NHS: variants seen among roughly 807,000 people sequenced by gnomAD.
The protein encoded by NHS is NHS actin remodeling regulator.
NHS carries 5 observed loss-of-function variants against 72.5 expected under a neutral mutation model. That is an observed-to-expected ratio of 0.07 (90% CI 0.04 to 0.14). The LOEUF (loss-of-function observed/expected upper bound fraction) is 0.14, where lower values mean the gene tolerates loss of function less well. Ranked by LOEUF, NHS falls within the 10% of genes least tolerant of loss-of-function variation. The pLI is 1.00. For missense variants in NHS, 1,072 were observed against 1,355.7 expected, an observed-to-expected ratio of 0.79 and a Z score of 3.29; for synonymous variants, 464 against 547.7, an observed-to-expected ratio of 0.85 and a Z score of 2.13.
At chrX:17,543,600 A>C (rs1174953779) in intron 1 of NHS, among the ~76,000 whole-genome samples, 2 of 112,025 alleles carry the variant, frequency 1.8e-5, no homozygotes, top group African/African-American at 3.3e-5. Context: ...CAGGGAGGAA[A>C]ATAAGGGTGC....
intron 3 of NHS, among the ~76,000 whole-genome samples, chrX:17,697,523 T>C (rs910847452): frequency 8.9e-6 from 1 of 111,978 alleles, no homozygotes; most frequent in African/African-American, 3.2e-5. Flanking sequence ...ATTTTCAACA[T>C]ACAGGAACTT....
At chrX:17,425,558 A>G (rs910279226) in intron 1 of NHS, among the ~76,000 whole-genome samples, 15 of 96,064 alleles carry the variant, frequency 1.6e-4, no homozygotes, top group Admixed American at 3.6e-4. Context: ...AAAAAAAAAA[A>G]AAAAAAAAAA....
chrX:17,538,448 C>A (rs779030993), intron 1 of NHS, among the ~76,000 whole-genome samples: 4 of 111,671 alleles, frequency 3.6e-5, no homozygotes, highest in Non-Finnish European at 7.5e-5. Flanking sequence ...GCAATTGGGG[C>A]TTCGTCCTGT....
chrX:17,540,285 G>A (rs1385094391), intron 1 of NHS, among the ~76,000 whole-genome samples: 3 of 111,808 alleles, frequency 2.7e-5, no homozygotes, highest in Non-Finnish European at 5.6e-5. Context: ...TCTCAGCCAG[G>A]TAGACATAGC....
At chrX:17,537,368 C>A (rs763710911) in intron 1 of NHS, among the ~76,000 whole-genome samples, 1 of 112,507 alleles carries the variant, frequency 8.9e-6, no homozygotes, top group Admixed American at 9.3e-5. Flanking sequence ...TAGAAGAAGA[C>A]AGAATCTCTT....
chrX:17,475,382 G>A (rs182903687), intron 1 of NHS, among the ~76,000 whole-genome samples: 6 of 112,386 alleles, frequency 5.3e-5, no homozygotes, highest in Admixed American at 9.4e-5. Context: ...AGCAGGCCTC[G>A]GCCTCCAGTT....
At position 17,728,682 on chromosome X, in the gene NHS, C is replaced by T; in HGVS notation, c.4256C>T (p.Pro1419Leu). 8.3e-7 allele frequency: 1 copy of T among 1,209,767 alleles called. No individual in the cohort carries two copies. Among genetic ancestry groups the T allele is most frequent in the Non-Finnish European group, 1.1e-6 (1 of 894,232 alleles). Residue 1419 changes from proline (P) to leucine (L), a missense_variant, in exon 8 of 9, where the codon CCA becomes CTA. Coordinates refer to ENST00000676302, the MANE Select transcript of NHS (RefSeq NM_001291867.2). ...CCGAGTGATGACTCCATCATTTCAC[C>T]ACTTAGTGAAGACTCCCAAGCTGAA... ...SSPSDDSIIS[P>L]LSEDSQAEAE...
At chrX:17,606,701 C>G (rs890066843) in intron 1 of NHS, among the ~76,000 whole-genome samples, 1 of 111,994 alleles carries the variant, frequency 8.9e-6, no homozygotes, top group Non-Finnish European at 1.9e-5. Context: ...CTGCCAGAAG[C>G]CTCCTTAACA....
chrX:17,485,070 C>T (rs2064962058), intron 1 of NHS, among the ~76,000 whole-genome samples: 1 of 111,565 alleles, frequency 9.0e-6, no homozygotes. Context: ...CCGTTGTCCT[C>T]ATAAAAAGAA....
At chrX:17,455,930 C>G (rs1468871921) in intron 1 of NHS, among the ~76,000 whole-genome samples, 1 of 111,179 alleles carries the variant, frequency 9.0e-6, no homozygotes, top group African/African-American at 3.3e-5. Context: ...TAATTTGTAG[C>G]TAAGGCAGGC....
intron 1 of NHS, among the ~76,000 whole-genome samples, chrX:17,615,241 TATATATACACATATATACAC>T (rs1157873744): frequency 2.2e-5 from 2 of 91,515 alleles, no homozygotes; most frequent in African/African-American, 1.0e-4. Context: ...TATATACGTA[TATATATACACATATATACAC>T]ATATATATAT....
intron 1 of NHS, among the ~76,000 whole-genome samples, chrX:17,582,580 G>C (rs1438989532): frequency 9.0e-6 from 1 of 111,557 alleles, no homozygotes; most frequent in Non-Finnish European, 1.9e-5. Flanking sequence ...GAGCTCTTCA[G>C]ACATGGAGGA....
chrX:17,703,158 C>T (rs768152787), intron 3 of NHS, among the ~76,000 whole-genome samples: 75 of 110,792 alleles, frequency 6.8e-4, no homozygotes, highest in Non-Finnish European at 1.1e-3. Context: ...AATAGTCAGG[C>T]ATAGTGGCGC....
chrX:17,675,776 C>A (rs1013984546), intron 1 of NHS, among the ~76,000 whole-genome samples: 6 of 112,091 alleles, frequency 5.4e-5, no homozygotes, highest in Non-Finnish European at 1.1e-4. Context: ...TTACAAATAC[C>A]TAGGCTTTTG....
chrX:17,408,953 AG>A (rs374914521), intron 1 of NHS, among the ~76,000 whole-genome samples: 5 of 100,995 alleles, frequency 5.0e-5, no homozygotes, highest in African/African-American at 2.2e-4. Context: ...CGACGGAGAG[AG>A]GAGAGAGAGA....
intron 1 of NHS, among the ~76,000 whole-genome samples, chrX:17,425,407 T>A (rs1049771704): frequency 9.2e-6 from 1 of 108,959 alleles, no homozygotes; most frequent in Non-Finnish European, 1.9e-5. Flanking sequence ...TCAACCACTT[T>A]TGTTTATACA....
At chrX:17,624,152 G>A (rs776477771) in intron 1 of NHS, among the ~76,000 whole-genome samples, 16 of 112,377 alleles carry the variant, frequency 1.4e-4, no homozygotes, top group East Asian at 8.4e-4. Flanking sequence ...ACAGCTCCCC[G>A]CAAGCTGCCT....
chrX:17,386,611 C>T (rs2064409994), intron 1 of NHS, among the ~76,000 whole-genome samples: 1 of 96,562 alleles, frequency 1.0e-5, no homozygotes, highest in East Asian at 3.2e-4. Context: ...TGCAGTGAGC[C>T]GAGATTGCAC....
intron 1 of NHS, among the ~76,000 whole-genome samples, chrX:17,452,278 G>C (rs145604281): frequency 2.7e-5 from 3 of 111,688 alleles, no homozygotes; most frequent in Non-Finnish European, 3.8e-5. Context: ...GCAAAGTTTC[G>C]TTTCCAGTTT....
Sources: gnomAD v4.1 joint callset for allele counts (sites outside exome capture counted in the v4.1 genomes callset) on GRCh38, gnomAD v4.1.1 for gene constraint, MANE v1.5 for transcripts, NCBI Gene and HGNC (gene_info 2026-07-23, HGNC 2026-07-21) for gene names.